The following EMILIN2 variants were observed in gnomAD, a reference collection of about 807,000 sequenced individuals.
EMILIN2 encodes the protein elastin microfibril interfacer 2, also known as EMILIN-2.
Under a neutral mutation model 87.1 loss-of-function variants are expected in EMILIN2, and 71 were observed. The observed-to-expected ratio is 0.82, with a 90% CI of 0.67 to 0.99. EMILIN2 has a LOEUF of 0.99. Among genes scored for constraint, EMILIN2 ranks in the 50% least tolerant of loss-of-function variants. EMILIN2 has a pLI of 0.00. For missense variants in EMILIN2, 1,407 were observed against 1,371.8 expected (o/e 1.03, Z -0.40); for synonymous variants, 581 against 563.4 (o/e 1.03, Z -0.44).
In EMILIN2 at chr18:2,913,200, G is replaced by A. The variant is rs751375514; in HGVS notation, c.2958G>A (p.Arg986=). 3.7e-6 allele frequency: 6 copies of A among 1,613,864 alleles called. No homozygotes were observed. Among genetic ancestry groups the A allele is most frequent in the Non-Finnish European group, 5.1e-6 (6 of 1,180,006 alleles). ...SVAQLHTAGY[R]REFLEYHRPP... is the part of the protein sequence containing the mutation. The stretch of plus-strand genomic sequence containing the variant: ...CCCAGCTGCATACCGCTGGGTACAG[G>A]AGAGAGTTCCTGGAATACCACCGCC... Residue 986 remains arginine (R), a synonymous_variant, in exon 8 of 8, where the codon AGG becomes AGA. Coordinates refer to ENST00000254528, the MANE Select transcript of EMILIN2 (RefSeq NM_032048.3).
chr18:2,849,081 T>C (rs1213839020), intron 2 of EMILIN2, among the ~76,000 whole-genome samples: 1 of 152,210 alleles, frequency 6.6e-6, no homozygotes, highest in African/African-American at 2.4e-5. Flanking sequence ...AACGCTGAAA[T>C]TGAATGCCCA....
In EMILIN2 at chr18:2,913,819, G is replaced by GC; in HGVS notation, c.*416dup. The GC allele has an allele frequency of 5.8e-6, 1 of 171,426 alleles. No individual in the cohort carries two copies. Among genetic ancestry groups the GC allele is most frequent in the Non-Finnish European group, 1.3e-5 (1 of 79,784 alleles). 10.6% of individuals were successfully genotyped at this position (171,426 alleles called of 1,614,324 possible). A position where few individuals can be genotyped will look rare whatever the true frequency, so the allele number is the denominator to read the frequency against. On this transcript the variant is annotated 3_prime_UTR_variant, in exon 8 of 8. Coordinates refer to ENST00000254528, the MANE Select transcript of EMILIN2 (RefSeq NM_032048.3). ...GTGGCCAGCTGTCTGTCTTTACACT[G>GC]CATGCAGAAGTTTAAACACTGAAGT...
intron 2 of EMILIN2, among the ~76,000 whole-genome samples, chr18:2,871,121 A>G (rs1239529316): frequency 1.3e-5 from 2 of 152,120 alleles, no homozygotes; most frequent in African/African-American, 4.8e-5. Context: ...TGGGACTCCA[A>G]AATATCTTTC....
rs2076833239 is a variant in EMILIN2 at position 2,890,979 on chromosome 18, T to C, written c.852T>C (p.Asp284=). The change falls in exon 4 of 8, where the codon GAT becomes GAC. Residue 284 remains aspartate (D), a synonymous_variant. Coordinates refer to ENST00000254528, the MANE Select transcript of EMILIN2 (RefSeq NM_032048.3). This position sits in a 1 kb window ranked among gnomAD's most constrained non-coding sequence, Gnocchi z 4.7. ...AAAGTGACAAGCTGGAAGAGCTGGA[T>C]GGAAAAGTGAAGGGCTACGAAGGGC... ...KNKSDKLEEL[D]GKVKGYEGQL... is the part of the protein sequence containing the mutation. 1.9e-6 allele frequency: 3 copies of C among 1,613,906 alleles called. No homozygotes were observed. The highest frequency in any genetic ancestry group is 2.7e-5 in the African/African-American group (2 of 74,860).
intron 4 of EMILIN2, among the ~76,000 whole-genome samples, chr18:2,905,996 C>T (rs2076909981): frequency 6.6e-6 from 1 of 152,052 alleles, no homozygotes. Flanking sequence ...GGGTCCTAAA[C>T]AAAAATCAAA....
intron 2 of EMILIN2, among the ~76,000 whole-genome samples, chr18:2,877,771 C>T (rs542238738): frequency 3.4e-5 from 5 of 148,632 alleles, no homozygotes; most frequent in African/African-American, 1.0e-4. Context: ...GACTGACATT[C>T]CATCTCAAAA....
chr18:2,905,759 C>T (rs1568484378), intron 4 of EMILIN2, among the ~76,000 whole-genome samples: 1 of 148,944 alleles, frequency 6.7e-6, no homozygotes, highest in Non-Finnish European at 1.5e-5. Flanking sequence ...CGCTCCACTA[C>T]CCCGGGCTAA....
In EMILIN2 at chr18:2,847,611, T is replaced by C. The variant is rs1201867028; in HGVS notation, c.135-198T>C. On this transcript the variant is annotated intron_variant, in intron 1 of 7. Coordinates refer to ENST00000254528, the MANE Select transcript of EMILIN2 (RefSeq NM_032048.3). This position sits in a 1 kb window ranked among gnomAD's most constrained non-coding sequence, Gnocchi z 4.5. ...CCATGGGTGCTTTTCTTTCCCGTCT[T>C]GGTCGGGTCCAGGCGCGCGCTCTCC... Among the ~76,000 whole-genome samples the C allele has an allele frequency of 3.9e-5, 6 of 152,234 alleles. No individual in the cohort carries two copies. Among genetic ancestry groups the C allele is most frequent in the African/African-American group, 1.4e-4 (6 of 41,560 alleles).
In EMILIN2 at chr18:2,847,254, G is replaced by A. The variant is rs1378170286; in HGVS notation, c.66G>A (p.Leu22=). The A allele has an allele frequency of 7.7e-7, 1 of 1,293,802 alleles. No individual in the cohort carries two copies. The highest frequency in any genetic ancestry group is 3.2e-5 in the East Asian group (1 of 31,304). 80.1% of individuals were successfully genotyped at this position (1,293,802 alleles called of 1,614,324 possible). Reference sequence around the variant, plus strand: ...GCTGGGCGCTGGCGCTGCTGGCCCTGGTTGGCGCGGGGCTGTGCCACGCCG... The same window carrying A: ...GCTGGGCGCTGGCGCTGCTGGCCCTAGTTGGCGCGGGGCTGTGCCACGCCG... The part of the protein sequence containing the change: ...PWRWALALLA[L]VGAGLCHAGP... The change falls in exon 1 of 8, where the codon CTG becomes CTA. Residue 22 remains leucine, a synonymous_variant. Transcript: ENST00000254528. This position sits in a 1 kb window ranked among gnomAD's most constrained non-coding sequence, Gnocchi z 4.5.
chr18:2,884,707 G>A (rs992710584), intron 2 of EMILIN2, among the ~76,000 whole-genome samples: 10 of 152,174 alleles, frequency 6.6e-5, no homozygotes, highest in Non-Finnish European at 1.3e-4. Context: ...GATTTTCTAA[G>A]CTGTGTGTTC....
chr18:2,915,584 G>A lies in EMILIN2; in HGVS notation c.*2180G>A, dbSNP rs149230043. 5.0e-3 allele frequency: 765 copies of A among 152,018 alleles called. 4 individuals carry two copies. Among genetic ancestry groups the A allele is most frequent in the African/African-American group, 0.017 (713 of 41,388 alleles). The allele number at this position is 152,018 out of a possible 1,614,324, so 9.4% of individuals were successfully genotyped here. A position where few individuals can be genotyped will look rare whatever the true frequency, so the allele number is the denominator to read the frequency against. On this transcript the variant is annotated 3_prime_UTR_variant, in exon 8 of 8. Transcript: ENST00000254528. ...GTCGCCCAGGCTGGAGTGCAGTAGC[G>A]CGATCTCAGCTCACTGCAACCTCCG...
chr18:2,846,883 CG>C, upstream of EMILIN2: 2 of 988,132 alleles, frequency 2.0e-6, no homozygotes, highest in Non-Finnish European at 2.4e-6. The surrounding 1 kb of genome is among the most constrained non-coding windows in gnomAD (Gnocchi z 5.3). Context: ...GGACTGGAGA[CG>C]GGGAGACTTG....
chr18:2,847,121 T>C lies in EMILIN2; in HGVS notation c.-68T>C. 1.9e-6 allele frequency: 2 copies of C among 1,072,472 alleles called. No homozygotes were observed. The highest frequency in any genetic ancestry group is 1.7e-5 in the African/African-American group (1 of 58,366). The allele number at this position is 1,072,472 out of a possible 1,614,324, so 66.4% of individuals were successfully genotyped here. A position where few individuals can be genotyped will look rare whatever the true frequency, so the allele number is the denominator to read the frequency against. On this transcript the variant is annotated 5_prime_UTR_variant, in exon 1 of 8. Transcript: ENST00000254528. The surrounding 1 kb of genome is among the most constrained non-coding windows in gnomAD (Gnocchi z 4.5). ...GGCGGCGCCCTGGCCGCCGGCAGCC[T>C]TGTGGCCGGTGCCCCGATCCGCCGC... is the stretch of plus-strand genomic sequence containing the variant.
At position 2,894,414 on chromosome 18, in the gene EMILIN2, A is replaced by G. The variant is rs1239111024; in HGVS notation, c.2359+1928A>G. On this transcript the variant is annotated intron_variant, in intron 4 of 7. Coordinates refer to ENST00000254528, the MANE Select transcript of EMILIN2 (RefSeq NM_032048.3). This position sits in a 1 kb window ranked among gnomAD's most constrained non-coding sequence, Gnocchi z 5.0. The stretch of plus-strand genomic sequence containing the variant: ...TATAACCCAGCCCTTCCCCCACTCC[A>G]GGGCCACTCAGCTCCTCTATCTCTG... 6.6e-6 allele frequency among the ~76,000 whole-genome samples: 1 copy of G among 152,180 alleles called. No individual in the cohort carries two copies. Among genetic ancestry groups the G allele is most frequent in the African/African-American group, 2.4e-5 (1 of 41,444 alleles).
rs781595638 is a variant in EMILIN2 at position 2,890,917 on chromosome 18, T to C, written c.790T>C (p.Ser264Pro). ...GGAATCTGGCATGAAGGACATCAAGTCTGAATTGGCTGAAGTCAAAGATAC... is the reference window on the plus strand; with the variant it reads ...GGAATCTGGCATGAAGGACATCAAGCCTGAATTGGCTGAAGTCAAAGATAC... ...TKESGMKDIK[S>P]ELAEVKDTLK... The change falls in exon 4 of 8, where the codon TCT becomes CCT. Residue 264 changes from serine to proline, a missense_variant. Ser to Pro is a moderately conservative substitution (Grantham distance 74, BLOSUM62 -1). Transcript: ENST00000254528. The surrounding 1 kb of genome is among the most constrained non-coding windows in gnomAD (Gnocchi z 4.7). 2 of 1,613,716 alleles carry C rather than the reference T, an allele frequency of 1.2e-6. No homozygotes were observed. The highest frequency in any genetic ancestry group is 3.3e-5 in the Admixed American group (2 of 59,988).
intron 7 of EMILIN2, 100 bp from the exon 8 acceptor site, chr18:2,912,967 G>A: frequency 8.1e-7 from 1 of 1,238,232 alleles, no homozygotes; most frequent in Non-Finnish European, 1.1e-6. Flanking sequence ...AGAGATGGCT[G>A]GTCTCCCAGG....
intron 6 of EMILIN2, 137 bp from the exon 7 acceptor site, chr18:2,909,554 G>C (rs2076931123): frequency 1.9e-6 from 2 of 1,067,920 alleles, no homozygotes; most frequent in Admixed American, 2.5e-5. Flanking sequence ...TGGGCATGAG[G>C]AGTTTGCTTC....
chr18:2,896,812 T>A (rs1238465666), intron 4 of EMILIN2, among the ~76,000 whole-genome samples: 1 of 148,432 alleles, frequency 6.7e-6, no homozygotes, highest in East Asian at 2.0e-4. Context: ...ACCTGGACAA[T>A]TTTTTTTTTG....
intron 7 of EMILIN2, among the ~76,000 whole-genome samples, chr18:2,912,206 T>C (rs909477190): frequency 1.5e-5 from 2 of 136,836 alleles, no homozygotes; most frequent in Non-Finnish European, 3.0e-5. Flanking sequence ...GCCCATCTAA[T>C]TTTTTTTGTA....
Sources: gnomAD v4.1 joint callset for allele counts (sites outside exome capture counted in the v4.1 genomes callset) on GRCh38, gnomAD v4.1.1 for gene constraint, Gnocchi (gnomAD v3.1) non-coding constraint, MANE v1.5 for transcripts, NCBI Gene and HGNC (gene_info 2026-07-23, HGNC 2026-07-21) for gene names.